SV2C: variants seen among roughly 807,000 people sequenced by gnomAD.
The protein encoded by SV2C is solute carrier family 22 member B3.
In SV2C, 49 loss-of-function variants were observed where a neutral mutation model predicts 79.7. The observed-to-expected ratio is 0.61, with a 90% CI of 0.49 to 0.78. The LOEUF (loss-of-function observed/expected upper bound fraction) is 0.78. Ranked by LOEUF, SV2C falls within the 30% of genes least tolerant of loss-of-function variation. The pLI is 0.00. For synonymous variants in SV2C, 334 were observed against 333.2 expected, an observed-to-expected ratio of 1.00 and a Z score of -0.03; for missense variants, 833 against 912.9, an observed-to-expected ratio of 0.91 and a Z score of 1.13.
the SV2C span, among the ~76,000 whole-genome samples, chr5:76,030,052 T>C: frequency 2.0e-5 from 3 of 152,138 alleles, no homozygotes; most frequent in African/African-American, 7.2e-5. Context: ...CTTCATAGCA[T>C]TGAAGGGTCA....
intron 2 of SV2C, among the ~76,000 whole-genome samples, chr5:76,170,722 T>G (rs1743195776): frequency 6.7e-6 from 1 of 150,072 alleles, no homozygotes. Flanking sequence ...TATCATATTT[T>G]AAAGACAAGA....
chr5:75,873,941 A>T, the SV2C span, among the ~76,000 whole-genome samples: 1 of 152,096 alleles, frequency 6.6e-6, no homozygotes, highest in Non-Finnish European at 1.5e-5. Flanking sequence ...AAAGCCCGAG[A>T]CCTGATGGAT....
chr5:75,958,228 CTGACTATG>C, the SV2C span, among the ~76,000 whole-genome samples: 1 of 151,964 alleles, frequency 6.6e-6, no homozygotes, highest in Admixed American at 6.6e-5. Flanking sequence ...GGGACATCAA[CTGACTATG>C]TGACCAGAGA....
chr5:75,919,030 A>AT, the SV2C span, among the ~76,000 whole-genome samples: 7 of 152,092 alleles, frequency 4.6e-5, no homozygotes, highest in Non-Finnish European at 1.0e-4. Flanking sequence ...TGACTTGGTA[A>AT]TTTTTTCTCT....
chr5:76,065,161 A>G, the SV2C span, among the ~76,000 whole-genome samples: 5 of 152,278 alleles, frequency 3.3e-5, no homozygotes, highest in African/African-American at 1.2e-4. Flanking sequence ...ACTGATCTGA[A>G]CCTTCAGTGC....
At chr5:75,924,619 A>G in the SV2C span, among the ~76,000 whole-genome samples, 4 of 152,158 alleles carry the variant, frequency 2.6e-5, no homozygotes, top group Non-Finnish European at 2.9e-5. Context: ...GGTATCTATA[A>G]CATACTATGC....
the SV2C span, among the ~76,000 whole-genome samples, chr5:75,851,480 T>C: frequency 6.6e-6 from 1 of 152,194 alleles, no homozygotes; most frequent in African/African-American, 2.4e-5. Context: ...TTTTCGCCCA[T>C]GGTAACACCA....
the SV2C span, among the ~76,000 whole-genome samples, chr5:75,858,948 C>G: frequency 6.6e-6 from 1 of 152,000 alleles, no homozygotes; most frequent in African/African-American, 2.4e-5. Flanking sequence ...TCTTCTTTTT[C>G]ATCCCTGATT....
chr5:75,945,115 A>G, the SV2C span, among the ~76,000 whole-genome samples: 4,164 of 152,244 alleles, frequency 0.027, 168 homozygotes, highest in African/African-American at 0.092. Flanking sequence ...CATGCTACAT[A>G]AAGTCATGGT....
the SV2C span, among the ~76,000 whole-genome samples, chr5:75,989,498 G>A: frequency 6.6e-6 from 1 of 151,958 alleles, no homozygotes; most frequent in Non-Finnish European, 1.5e-5. Flanking sequence ...ATTTCATGTT[G>A]TATATGTGCC....
At chr5:76,186,562 C>T (rs1743923870) in intron 2 of SV2C, among the ~76,000 whole-genome samples, 2 of 152,124 alleles carry the variant, frequency 1.3e-5, no homozygotes, top group South Asian at 4.1e-4. Flanking sequence ...CATGGTGGCA[C>T]ACACCTGTGA....
At chr5:75,989,372 G>C in the SV2C span, among the ~76,000 whole-genome samples, 2 of 152,040 alleles carry the variant, frequency 1.3e-5, no homozygotes, top group Non-Finnish European at 2.9e-5. Context: ...TTATAAGTGA[G>C]AGCATGTGGT....
the SV2C span, among the ~76,000 whole-genome samples, chr5:76,074,896 T>C: frequency 1.3e-5 from 2 of 152,192 alleles, no homozygotes; most frequent in African/African-American, 4.8e-5. Context: ...GAAATAAACT[T>C]GAAACACAGC....
intron 12 of SV2C, among the ~76,000 whole-genome samples, chr5:76,306,519 T>C (rs1748199680): frequency 1.3e-5 from 2 of 152,242 alleles, no homozygotes; most frequent in Admixed American, 6.5e-5. Context: ...GGTGGGAAAC[T>C]GTACCCCTGG....
intron 12 of SV2C, among the ~76,000 whole-genome samples, chr5:76,321,121 G>A (rs553179837): frequency 8.5e-5 from 13 of 152,068 alleles, no homozygotes; most frequent in Non-Finnish European, 1.3e-4. Context: ...TAAATATCTC[G>A]GTTATGAAGA....
At chr5:76,067,154 G>A in the SV2C span, among the ~76,000 whole-genome samples, 1 of 151,410 alleles carries the variant, frequency 6.6e-6, no homozygotes, top group African/African-American at 2.5e-5. Flanking sequence ...ATTTTACTGA[G>A]TATTAGTAAA....
the SV2C span, among the ~76,000 whole-genome samples, chr5:76,032,591 G>A: frequency 0.67 from 101,732 of 152,070 alleles, 35,430 homozygotes; most frequent in Middle Eastern, 0.87. Flanking sequence ...CATTTTTTAT[G>A]GCTGCATAGT....
At chr5:75,925,085 A>G in the SV2C span, among the ~76,000 whole-genome samples, 9 of 152,186 alleles carry the variant, frequency 5.9e-5, no homozygotes, top group African/African-American at 2.2e-4. Flanking sequence ...AAAAACACTT[A>G]TTTCTCTGGT....
the SV2C span, among the ~76,000 whole-genome samples, chr5:75,917,816 GA>G: frequency 0.058 from 8,783 of 152,202 alleles, 317 homozygotes; most frequent in Admixed American, 0.083. Context: ...ATAACTTAAA[GA>G]GTGTAATTGG....
Sources: allele counts gnomAD v4.1 joint callset (sites outside exome capture counted in the v4.1 genomes callset), GRCh38; gene constraint gnomAD v4.1.1; transcripts MANE v1.5; gene names NCBI Gene and HGNC (gene_info 2026-07-23, HGNC 2026-07-21).